NFIB: variants seen among roughly 807,000 people sequenced by gnomAD.
The protein encoded by NFIB is nuclear factor I B.
NFIB carries 11 observed loss-of-function variants against 61.5 expected under a neutral mutation model. The ratio of observed to expected loss-of-function variants is 0.18; its 90% confidence interval spans 0.11 to 0.30. NFIB has a LOEUF of 0.30. Ranked by LOEUF, NFIB falls within the 10% of genes least tolerant of loss-of-function variation. The pLI is 1.00. For synonymous variants in NFIB, 260 were observed against 216.5 expected, an observed-to-expected ratio of 1.20 and a Z score of -1.76; for missense variants, 471 against 608.9, an observed-to-expected ratio of 0.77 and a Z score of 2.38.
chr9:14,156,308 A>G (rs1354170921), intron 3 of NFIB, among the ~76,000 whole-genome samples: 1 of 152,224 alleles, frequency 6.6e-6, no homozygotes, highest in African/African-American at 2.4e-5. Flanking sequence ...AAGATCTCTT[A>G]AAGCCACCGT....
the NFIB span, among the ~76,000 whole-genome samples, chr9:14,432,852 T>G: frequency 6.6e-6 from 1 of 152,260 alleles, no homozygotes; most frequent in South Asian, 2.1e-4. Context: ...CAGAGACTGA[T>G]CTTTTCTTGG....
At chr9:14,462,337 C>T in the NFIB span, among the ~76,000 whole-genome samples, 2 of 151,060 alleles carry the variant, frequency 1.3e-5, no homozygotes, top group Non-Finnish European at 2.9e-5. Flanking sequence ...GGCTGGAGTG[C>T]AGTGGCGCGA....
chr9:14,200,964 C>A (rs2048972810), intron 2 of NFIB, among the ~76,000 whole-genome samples: 1 of 152,182 alleles, frequency 6.6e-6, no homozygotes, highest in Non-Finnish European at 1.5e-5. Context: ...GCATTCACAG[C>A]CATTCAGTTT....
the NFIB span, among the ~76,000 whole-genome samples, chr9:14,518,291 A>G: frequency 2.0e-5 from 3 of 152,188 alleles, no homozygotes; most frequent in African/African-American, 7.2e-5. Flanking sequence ...CTAAGTGTTT[A>G]TGGATACAGG....
At chr9:14,339,647 A>G (rs73641908) in intron 1 of NFIB, among the ~76,000 whole-genome samples, 2 of 152,084 alleles carry the variant, frequency 1.3e-5, no homozygotes, top group African/African-American at 4.8e-5. Context: ...GTTAATTAAG[A>G]CCAGAACTAA....
At chr9:14,094,760 T>C (rs906498170) in intron 10 of NFIB, among the ~76,000 whole-genome samples, 2 of 152,114 alleles carry the variant, frequency 1.3e-5, no homozygotes, top group African/African-American at 4.8e-5. Context: ...AAGAGAAACA[T>C]ATTTGTTTCT....
chr9:14,281,918 G>A (rs1446745196), intron 2 of NFIB, among the ~76,000 whole-genome samples: 3 of 151,758 alleles, frequency 2.0e-5, no homozygotes, highest in Non-Finnish European at 4.4e-5. Flanking sequence ...AATGCCCAGA[G>A]GAACAAAAAA....
At chr9:14,400,264 G>A (rs1040749699), upstream of NFIB, among the ~76,000 whole-genome samples, 1 of 152,098 alleles carries the variant, frequency 6.6e-6, no homozygotes, top group Non-Finnish European at 1.5e-5. Context: ...AATGCACAGG[G>A]ATCCTACTAC....
chr9:14,382,579 T>C (rs1296365077), intron 1 of NFIB, among the ~76,000 whole-genome samples: 1 of 152,030 alleles, frequency 6.6e-6, no homozygotes, highest in Non-Finnish European at 1.5e-5. Flanking sequence ...GAAAATAGTT[T>C]GGCATTATCT....
At chr9:14,355,765 C>T (rs1334250749) in intron 1 of NFIB, among the ~76,000 whole-genome samples, 1 of 152,046 alleles carries the variant, frequency 6.6e-6, no homozygotes, top group Non-Finnish European at 1.5e-5. Context: ...GACCATCCTG[C>T]CTAACACGGT....
chr9:14,137,729 T>A (rs1442470556), intron 6 of NFIB, among the ~76,000 whole-genome samples: 1 of 152,146 alleles, frequency 6.6e-6, no homozygotes, highest in Non-Finnish European at 1.5e-5. Flanking sequence ...AATATATACT[T>A]TATTTTTATA....
chr9:14,492,623 C>G, the NFIB span, among the ~76,000 whole-genome samples: 1 of 151,960 alleles, frequency 6.6e-6, no homozygotes, highest in Non-Finnish European at 1.5e-5. Flanking sequence ...CCGGATCTCA[C>G]GGGAACTCTA....
At chr9:14,335,689 C>G (rs1008381603) in intron 1 of NFIB, among the ~76,000 whole-genome samples, 1 of 152,070 alleles carries the variant, frequency 6.6e-6, no homozygotes, top group South Asian at 2.1e-4. Flanking sequence ...TTTTAAAGTT[C>G]GATGAAGTCA....
At chr9:14,107,556 G>A (rs1366034104) in intron 10 of NFIB, among the ~76,000 whole-genome samples, 1 of 152,086 alleles carries the variant, frequency 6.6e-6, no homozygotes, top group African/African-American at 2.4e-5. Context: ...ACTACAACTT[G>A]TAAATTTTAA....
At chr9:14,276,019 C>G (rs930165759) in intron 2 of NFIB, among the ~76,000 whole-genome samples, 18 of 151,738 alleles carry the variant, frequency 1.2e-4, no homozygotes, top group African/African-American at 4.4e-4. Context: ...GACAAATTAC[C>G]AATTTATACT....
the NFIB span, among the ~76,000 whole-genome samples, chr9:14,428,154 C>CA: frequency 4.0e-5 from 6 of 151,730 alleles, no homozygotes; most frequent in African/African-American, 1.5e-4. Flanking sequence ...CCATGTTGCC[C>CA]AAGTTGGCCT....
Position 14,307,084 on chromosome 9 carries a change from T to C in NFIB, c.467A>G (p.His156Arg), listed in dbSNP as rs774146742. Residue 156 changes from histidine to arginine, a missense_variant, in exon 2 of 11, where the codon CAT (histidine) becomes CGT (arginine). His to Arg is a conservative substitution (Grantham distance 29). This residue lies in a region of NFIB where 99 missense variants were observed against 213.3 expected (regional missense o/e 0.46). Transcript: ENST00000380953. The surrounding 1 kb of genome is among the most constrained non-coding windows in gnomAD (Gnocchi z 5.3). ...GACACAAAGTGCTGGGTTTGTGCAA[T>C]GTGGGGATTTCATGAGCCGCTCTCC... ...TDGERLMKSP[H>R]CTNPALCVQP... is the part of the protein sequence containing the mutation. 7 of 1,614,132 alleles carry C rather than the reference T, an allele frequency of 4.3e-6. No individual in the cohort carries two copies. Among genetic ancestry groups the C allele is most frequent in the South Asian group, 1.1e-5 (1 of 91,084 alleles).
intron 2 of NFIB, among the ~76,000 whole-genome samples, chr9:14,209,899 T>TA (rs2050138869): frequency 2.6e-5 from 4 of 151,834 alleles, no homozygotes; most frequent in African/African-American, 9.7e-5. Context: ...TTTTTTTTCC[T>TA]AAAAAAAACC....
the NFIB span, among the ~76,000 whole-genome samples, chr9:14,482,584 T>C: frequency 3.9e-5 from 6 of 152,230 alleles, no homozygotes; most frequent in African/African-American, 9.6e-5. Flanking sequence ...TCCTCAAGTA[T>C]GTCTATCTGT....
Sources: allele counts gnomAD v4.1 joint callset (sites outside exome capture counted in the v4.1 genomes callset), GRCh38; gene constraint gnomAD v4.1.1; regional missense constraint gnomAD v4.1.1; non-coding constraint Gnocchi (gnomAD v3.1); transcripts MANE v1.5; gene names NCBI Gene and HGNC (gene_info 2026-07-23, HGNC 2026-07-21).